Variants in EIF2B3 observed in about 807,000 individuals in gnomAD.
The protein encoded by EIF2B3 is translation initiation factor eIF2B subunit gamma.
Under a neutral mutation model 54.1 loss-of-function variants are expected in EIF2B3, and 20 were observed. That is an observed-to-expected ratio of 0.37 (90% CI 0.26 to 0.54). EIF2B3 has a LOEUF of 0.54. Among genes scored for constraint, EIF2B3 ranks in the 20% least tolerant of loss-of-function variants. The pLI is 0.86. For missense variants in EIF2B3, 448 were observed against 547.8 expected, an observed-to-expected ratio of 0.82 and a Z score of 1.82; for synonymous variants, 153 against 188.1, an observed-to-expected ratio of 0.81 and a Z score of 1.52.
intron 5 of EIF2B3, among the ~76,000 whole-genome samples, chr1:44,921,045 C>T (rs1195495633): frequency 6.6e-6 from 1 of 152,178 alleles, no homozygotes; most frequent in Non-Finnish European, 1.5e-5. Flanking sequence ...ACAACCTTGC[C>T]AGCATTTGCT....
intron 11 of EIF2B3, among the ~76,000 whole-genome samples, chr1:44,854,292 A>C (rs12094007): frequency 0.43 from 65,322 of 151,444 alleles, 14,942 homozygotes; most frequent in African/African-American, 0.59. Flanking sequence ...CGTGAGCTAC[A>C]GCCTCTGTAC....
chr1:44,861,616 T>C (rs767207469), intron 10 of EIF2B3, among the ~76,000 whole-genome samples: 7 of 152,194 alleles, frequency 4.6e-5, no homozygotes, highest in South Asian at 2.1e-4. Context: ...TGGTTTTCCT[T>C]AGGCTTAGTG....
At chr1:44,894,540 G>A (rs1655902503) in intron 6 of EIF2B3, among the ~76,000 whole-genome samples, 2 of 152,078 alleles carry the variant, frequency 1.3e-5, no homozygotes, top group African/African-American at 4.8e-5. Flanking sequence ...AATTTGAGTG[G>A]AAAATGTTAA....
Position 44,874,809 on chromosome 1 carries a change from G to C in EIF2B3, c.1071C>G (p.Leu357=). The part of the protein sequence containing the change: ...VSKHLVGVDS[L]IGPETQIGEK... ...CTCCAATCTGTGTCTCTGGCCCAAT[G>C]AGGCTGTCAACTCCAACCTGTAAAA... The change falls in exon 10 of 12, where the codon CTC becomes CTG. Residue 357 remains leucine, a synonymous_variant. Transcript: ENST00000360403. 6.2e-7 allele frequency: 1 copy of C among 1,614,100 alleles called. No individual in the cohort carries two copies. Among genetic ancestry groups the C allele is most frequent in the Non-Finnish European group, 8.5e-7 (1 of 1,180,032 alleles).
intron 5 of EIF2B3, among the ~76,000 whole-genome samples, chr1:44,913,513 A>T (rs1267574009): frequency 6.6e-6 from 1 of 151,870 alleles, no homozygotes; most frequent in Non-Finnish European, 1.5e-5. Flanking sequence ...AAAAAAAAAA[A>T]AATCTTGTAC....
At chr1:44,966,418 G>T (rs552400295) in intron 3 of EIF2B3, among the ~76,000 whole-genome samples, 204 of 140,264 alleles carry the variant, frequency 1.5e-3, no homozygotes, top group African/African-American at 5.3e-3. Flanking sequence ...CAGCCTGGGC[G>T]ACAGAGCGAG....
chr1:44,947,437 A>C (rs1008875437), intron 3 of EIF2B3, among the ~76,000 whole-genome samples: 1 of 152,170 alleles, frequency 6.6e-6, no homozygotes, highest in South Asian at 2.1e-4. Context: ...TCAAGCCAAA[A>C]CCACTGAGTA....
chr1:44,945,392 A>T (rs939544117), intron 3 of EIF2B3, among the ~76,000 whole-genome samples: 1 of 151,956 alleles, frequency 6.6e-6, no homozygotes, highest in African/African-American at 2.4e-5. Flanking sequence ...GTCTCTACTA[A>T]AAGTACAAAA....
intron 3 of EIF2B3, 43 bp from the exon 4 acceptor site, chr1:44,941,708 T>C (rs753240802): frequency 1.2e-6 from 2 of 1,611,038 alleles, no homozygotes; most frequent in South Asian, 2.2e-5. Context: ...TAAAGGACAA[T>C]GGATTACACA....
chr1:44,960,981 ATTAAAATAAT>A (rs1435795495), intron 3 of EIF2B3, among the ~76,000 whole-genome samples: 1 of 152,106 alleles, frequency 6.6e-6, no homozygotes, highest in Non-Finnish European at 1.5e-5. Flanking sequence ...AAGAGACTGT[ATTAAAATAAT>A]TTAAAAGATT....
intron 3 of EIF2B3, among the ~76,000 whole-genome samples, chr1:44,951,720 C>T (rs541105718): frequency 4.6e-5 from 7 of 152,140 alleles, no homozygotes; most frequent in Non-Finnish European, 1.0e-4. Flanking sequence ...AGCCAATTAA[C>T]TTTTACATTC....
chr1:44,972,823 T>C (rs968611916), intron 3 of EIF2B3, among the ~76,000 whole-genome samples: 3 of 152,042 alleles, frequency 2.0e-5, no homozygotes, highest in African/African-American at 7.2e-5. Context: ...TGTGTCACCA[T>C]GCGTGGCTAA....
chr1:44,912,011 C>T (rs990961039), intron 5 of EIF2B3, among the ~76,000 whole-genome samples: 2 of 150,914 alleles, frequency 1.3e-5, no homozygotes, highest in Non-Finnish European at 2.9e-5. Flanking sequence ...CCAATTTCAT[C>T]CATGTCCCTA....
chr1:44,885,952 G>A (rs1247386735), intron 6 of EIF2B3, among the ~76,000 whole-genome samples: 3 of 139,766 alleles, frequency 2.1e-5, no homozygotes, highest in Non-Finnish European at 4.6e-5. Flanking sequence ...TCACCATGTT[G>A]GTCAGGCTGG....
chr1:44,957,606 C>CA (rs1644241434), intron 3 of EIF2B3, among the ~76,000 whole-genome samples: 1 of 151,636 alleles, frequency 6.6e-6, no homozygotes, highest in South Asian at 2.1e-4. Flanking sequence ...ACTAAAAATA[C>CA]AAAAATCAGC....
intron 5 of EIF2B3, among the ~76,000 whole-genome samples, chr1:44,906,794 C>T (rs1361809834): frequency 1.3e-5 from 2 of 152,186 alleles, no homozygotes; most frequent in Admixed American, 6.5e-5. Flanking sequence ...CAGGTATGTA[C>T]AAGACACTAA....
intron 3 of EIF2B3, among the ~76,000 whole-genome samples, chr1:44,964,419 AG>A (rs1245459146): frequency 6.6e-6 from 1 of 152,254 alleles, no homozygotes; most frequent in Non-Finnish European, 1.5e-5. Flanking sequence ...GAAAAATGAA[AG>A]GTTCCAGGAA....
chr1:44,932,522 T>C (rs974040602), intron 4 of EIF2B3: 1 of 152,170 alleles, frequency 6.6e-6, no homozygotes, highest in African/African-American at 2.4e-5. Context: ...AGAGACCTAA[T>C]ACAACCTGGT....
chr1:44,872,821 C>T (rs1655007385), intron 10 of EIF2B3, among the ~76,000 whole-genome samples: 1 of 152,180 alleles, frequency 6.6e-6, no homozygotes, highest in Admixed American at 6.5e-5. Context: ...TCTTACTGCA[C>T]ATAGTATAAA....
Sources: gnomAD v4.1 joint callset for allele counts (sites outside exome capture counted in the v4.1 genomes callset) on GRCh38, gnomAD v4.1.1 for gene constraint, MANE v1.5 for transcripts, NCBI Gene and HGNC (gene_info 2026-07-23, HGNC 2026-07-21) for gene names.